The following ZNF804A variants were observed in gnomAD, a reference collection of about 807,000 sequenced individuals.
ZNF804A encodes zinc finger protein 804A.
ZNF804A carries 2 observed loss-of-function variants against 16.5 expected under a neutral mutation model. That is an observed-to-expected ratio of 0.12 (90% CI 0.05 to 0.38). The LOEUF (loss-of-function observed/expected upper bound fraction) is 0.38, where lower values mean the gene tolerates loss of function less well. ZNF804A is among the 10% of genes least tolerant of loss of function. The probability of loss-of-function intolerance (pLI) is 0.99; values close to 1 mark genes in which losing one functional copy is unlikely to be tolerated. For missense variants in ZNF804A, 1,473 were observed against 1,390.7 expected (o/e 1.06, Z -0.94); for synonymous variants, 534 against 489.6 (o/e 1.09, Z -1.20).
At chr2:184,616,734 G>A (rs1008778936) in intron 1 of ZNF804A, among the ~76,000 whole-genome samples, 66 of 152,024 alleles carry the variant, frequency 4.3e-4, no homozygotes, top group African/African-American at 1.3e-3. Flanking sequence ...AAAGTTCTAC[G>A]GAGCACAGAT....
intron 1 of ZNF804A, among the ~76,000 whole-genome samples, chr2:184,782,992 A>G (rs1694394483): frequency 1.3e-5 from 2 of 150,896 alleles, no homozygotes; most frequent in Admixed American, 6.6e-5. Flanking sequence ...ATGTATATTT[A>G]TCTCTATTTT....
chr2:184,672,428 G>A (rs556145411), intron 1 of ZNF804A, among the ~76,000 whole-genome samples: 6 of 152,184 alleles, frequency 3.9e-5, no homozygotes, highest in Admixed American at 3.3e-4. Context: ...CATGCCCTAC[G>A]TTTCTAACAG....
At chr2:184,926,526 C>T (rs1685615520) in intron 2 of ZNF804A, among the ~76,000 whole-genome samples, 1 of 151,900 alleles carries the variant, frequency 6.6e-6, no homozygotes, top group Non-Finnish European at 1.5e-5. Context: ...CCTTCTTTTA[C>T]TTGGATATTG....
At chr2:184,841,129 T>C (rs7605689) in intron 1 of ZNF804A, among the ~76,000 whole-genome samples, 48,633 of 151,932 alleles carry the variant, frequency 0.32, 10,564 homozygotes, top group African/African-American at 0.62. Flanking sequence ...CACGTTTTTG[T>C]CATATGTCCC....
chr2:184,915,671 T>C (rs550801875), intron 2 of ZNF804A, among the ~76,000 whole-genome samples: 13 of 152,256 alleles, frequency 8.5e-5, no homozygotes, highest in Admixed American at 4.6e-4. Context: ...ATGCACAGAT[T>C]GCAAAGACTT....
intron 2 of ZNF804A, among the ~76,000 whole-genome samples, chr2:184,905,796 G>A (rs1045187309): frequency 6.6e-6 from 1 of 152,042 alleles, no homozygotes; most frequent in Admixed American, 6.6e-5. Context: ...AAATTAGAAG[G>A]CCTTTGTTTT....
chr2:184,935,838 T>G lies in ZNF804A; in HGVS notation c.442T>G (p.Cys148Gly), dbSNP rs1326856758. Residue 148 changes from cysteine (C) to glycine (G), a missense_variant, in exon 4 of 4, where the codon TGT (cysteine) becomes GGT (glycine). Cys to Gly is a radical substitution (Grantham distance 159). Transcript: ENST00000302277. ...AACAACTGTTACTGTGAGAGAAAACTGTAATGAAATTTCCCAACGAGTTGT... is the reference window on the plus strand; with the variant it reads ...AACAACTGTTACTGTGAGAGAAAACGGTAATGAAATTTCCCAACGAGTTGT... ...KSTTVTVREN[C>G]NEISQRVVVD... The G allele has an allele frequency of 2.5e-6, 4 of 1,613,482 alleles. No individual in the cohort carries two copies. The highest frequency in any genetic ancestry group is 2.2e-5 in the East Asian group (1 of 44,864).
intron 1 of ZNF804A, among the ~76,000 whole-genome samples, chr2:184,664,213 ATATAT>A (rs1390111226): frequency 6.6e-6 from 1 of 152,154 alleles, no homozygotes; most frequent in African/African-American, 2.4e-5. Flanking sequence ...AGAAATGTTC[ATATAT>A]TATAAAGCTT....
At chr2:184,791,379 T>C (rs560792170) in intron 1 of ZNF804A, among the ~76,000 whole-genome samples, 13 of 152,336 alleles carry the variant, frequency 8.5e-5, no homozygotes, top group African/African-American at 3.1e-4. Context: ...TAGTGAATGC[T>C]TGTTTGGGAA....
chr2:184,624,992 T>C (rs1201250426), intron 1 of ZNF804A, among the ~76,000 whole-genome samples: 1 of 152,186 alleles, frequency 6.6e-6, no homozygotes, highest in Non-Finnish European at 1.5e-5. Flanking sequence ...GGGAATGTTC[T>C]GTTGCTTCTG....
At chr2:184,807,042 C>G (rs1301038145) in intron 1 of ZNF804A, among the ~76,000 whole-genome samples, 2 of 151,674 alleles carry the variant, frequency 1.3e-5, no homozygotes, top group Non-Finnish European at 1.5e-5. Flanking sequence ...ATTGTCTCTG[C>G]TCTTTTCAGA....
chr2:184,675,764 G>T (rs1692413290), intron 1 of ZNF804A, among the ~76,000 whole-genome samples: 1 of 151,694 alleles, frequency 6.6e-6, no homozygotes, highest in African/African-American at 2.4e-5. Flanking sequence ...CTCCAACATA[G>T]TACCTTGTTT....
intron 2 of ZNF804A, among the ~76,000 whole-genome samples, chr2:184,926,700 C>T (rs1258332792): frequency 2.0e-5 from 3 of 151,982 alleles, no homozygotes; most frequent in Admixed American, 1.3e-4. Flanking sequence ...GTTTTTTAAC[C>T]TTTTGCTTTT....
chr2:184,819,464 G>T (rs1367550128), intron 1 of ZNF804A, among the ~76,000 whole-genome samples: 1 of 151,828 alleles, frequency 6.6e-6, no homozygotes. Flanking sequence ...ACATCAAAAA[G>T]TTAGAAAAAT....
At chr2:184,761,856 G>T (rs1369513665) in intron 1 of ZNF804A, among the ~76,000 whole-genome samples, 2 of 152,066 alleles carry the variant, frequency 1.3e-5, no homozygotes, top group Non-Finnish European at 2.9e-5. Context: ...TATGGATCTG[G>T]CATTATTCCT....
At chr2:184,639,359 C>T (rs1467524982) in intron 1 of ZNF804A, among the ~76,000 whole-genome samples, 2 of 151,870 alleles carry the variant, frequency 1.3e-5, no homozygotes, top group African/African-American at 4.8e-5. Flanking sequence ...CAGGTATCAG[C>T]CACCGCGCCT....
intron 1 of ZNF804A, among the ~76,000 whole-genome samples, chr2:184,756,297 G>C (rs1251716095): frequency 2.6e-5 from 4 of 151,868 alleles, no homozygotes; most frequent in Admixed American, 2.6e-4. Flanking sequence ...GCCCAGGCTG[G>C]TCTCAAACTC....
chr2:184,627,516 T>C (rs1256576948), intron 1 of ZNF804A, among the ~76,000 whole-genome samples: 1 of 152,190 alleles, frequency 6.6e-6, no homozygotes, highest in Non-Finnish European at 1.5e-5. Context: ...TTGTCAGAGA[T>C]CTTGCCTTGA....
At chr2:184,716,245 G>C (rs1235575652) in intron 1 of ZNF804A, among the ~76,000 whole-genome samples, 1 of 151,934 alleles carries the variant, frequency 6.6e-6, no homozygotes, top group Non-Finnish European at 1.5e-5. Flanking sequence ...ATGAATGTCT[G>C]GTAGTACTTT....
Sources: allele counts gnomAD v4.1 joint callset (sites outside exome capture counted in the v4.1 genomes callset), GRCh38; gene constraint gnomAD v4.1.1; transcripts MANE v1.5; gene names NCBI Gene and HGNC (gene_info 2026-07-23, HGNC 2026-07-21).